ASTN1: variants seen among roughly 807,000 people sequenced by gnomAD.
ASTN1 encodes the protein astrotactin-1.
In ASTN1, 41 loss-of-function variants were observed where a neutral mutation model predicts 140.7. The ratio of observed to expected loss-of-function variants is 0.29; its 90% CI spans 0.23 to 0.38. ASTN1 has a LOEUF of 0.38. Among genes scored for constraint, ASTN1 ranks in the 10% least tolerant of loss-of-function variants. The pLI is 1.00. For missense variants in ASTN1, 1,479 were observed against 1,678.8 expected (o/e 0.88, Z 2.08); for synonymous variants, 640 against 652.2 (o/e 0.98, Z 0.29).
At chr1:176,914,192 T>G (rs1458039023) in intron 16 of ASTN1, among the ~76,000 whole-genome samples, 1 of 152,172 alleles carries the variant, frequency 6.6e-6, no homozygotes, top group East Asian at 1.9e-4. Context: ...GAATTATCAG[T>G]AGAAAAGTTG....
chr1:177,002,645 T>C (rs1379670184), intron 8 of ASTN1, among the ~76,000 whole-genome samples: 2 of 152,244 alleles, frequency 1.3e-5, no homozygotes, highest in African/African-American at 4.8e-5. Context: ...GCAAAATGTT[T>C]GCTCTTAATT....
intron 17 of ASTN1, among the ~76,000 whole-genome samples, chr1:176,888,844 G>A (rs565780508): frequency 6.6e-6 from 1 of 152,298 alleles, no homozygotes; most frequent in African/African-American, 2.4e-5. Context: ...ACTGCCATGT[G>A]ACCTTGGGCA....
chr1:177,058,914 A>G (rs1460416601), intron 2 of ASTN1, among the ~76,000 whole-genome samples: 1 of 151,990 alleles, frequency 6.6e-6, no homozygotes, highest in Non-Finnish European at 1.5e-5. Flanking sequence ...GGTGCTTCCT[A>G]CACTGAAGAT....
chr1:177,146,960 C>T (rs1467421749), intron 1 of ASTN1, among the ~76,000 whole-genome samples: 1 of 152,000 alleles, frequency 6.6e-6, no homozygotes, highest in South Asian at 2.1e-4. Context: ...ATTAAGGGGA[C>T]ATGTACTCAA....
chr1:177,023,672 T>C, intron 6 of ASTN1, 101 bp from the exon 7 acceptor site: 1 of 1,258,368 alleles, frequency 7.9e-7, no homozygotes, highest in Non-Finnish European at 1.1e-6. Context: ...TTAGTACCAA[T>C]CAGAGATCCT....
chr1:176,971,261 C>G (rs1673128397), intron 8 of ASTN1, among the ~76,000 whole-genome samples: 1 of 152,186 alleles, frequency 6.6e-6, no homozygotes, highest in African/African-American at 2.4e-5. Context: ...TTGGCTGAAC[C>G]ATCACATGCC....
intron 1 of ASTN1, among the ~76,000 whole-genome samples, chr1:177,149,542 A>ACAGG (rs1235422670): frequency 1.4e-5 from 1 of 73,710 alleles, no homozygotes; most frequent in African/African-American, 9.2e-5. Flanking sequence ...AAATATATAT[A>ACAGG]GTATATATAT....
chr1:177,052,930 C>T (rs1324035982), intron 2 of ASTN1, among the ~76,000 whole-genome samples: 1 of 152,212 alleles, frequency 6.6e-6, no homozygotes, highest in Non-Finnish European at 1.5e-5. Context: ...TCCTTTCTTA[C>T]AGCCTATGTG....
intron 8 of ASTN1, among the ~76,000 whole-genome samples, chr1:176,985,845 T>TCCAC (rs1373839321): frequency 7.7e-6 from 1 of 129,668 alleles, no homozygotes; most frequent in African/African-American, 3.0e-5. Flanking sequence ...TCTCTCTCTC[T>TCCAC]ACACACACAC....
At chr1:176,892,663 A>C (rs1669315333) in intron 17 of ASTN1, among the ~76,000 whole-genome samples, 1 of 152,256 alleles carries the variant, frequency 6.6e-6, no homozygotes, top group African/African-American at 2.4e-5. Context: ...GAGATTATTT[A>C]GTCCGACAGG....
intron 2 of ASTN1, among the ~76,000 whole-genome samples, chr1:177,039,256 ATTCC>A (rs1362472133): frequency 2.0e-5 from 3 of 152,244 alleles, no homozygotes; most frequent in African/African-American, 7.2e-5. Context: ...TTCAAATTAT[ATTCC>A]TTGAGGAATT....
intron 16 of ASTN1, among the ~76,000 whole-genome samples, chr1:176,903,695 T>G (rs143547813): frequency 8.0e-4 from 122 of 152,330 alleles, no homozygotes; most frequent in African/African-American, 2.5e-3. Flanking sequence ...TCACCAAGGC[T>G]CTTGTTCTTA....
intron 22 of ASTN1, among the ~76,000 whole-genome samples, chr1:176,866,448 G>A (rs1668129676): frequency 6.6e-6 from 1 of 152,128 alleles, no homozygotes; most frequent in African/African-American, 2.4e-5. Context: ...AAGAACTCTG[G>A]TGTCCCTTCC....
chr1:177,076,067 C>T (rs1678888876), intron 1 of ASTN1, among the ~76,000 whole-genome samples: 1 of 151,706 alleles, frequency 6.6e-6, no homozygotes, highest in African/African-American at 2.4e-5. Context: ...ATCATGAGGT[C>T]GAAAGATCGA....
intron 16 of ASTN1, among the ~76,000 whole-genome samples, chr1:176,901,030 A>C (rs1467365294): frequency 6.6e-6 from 1 of 152,202 alleles, no homozygotes; most frequent in Non-Finnish European, 1.5e-5. Flanking sequence ...TGCATACAAA[A>C]TGACTACACT....
At chr1:176,992,646 T>A (rs990145622) in intron 8 of ASTN1, among the ~76,000 whole-genome samples, 1 of 152,180 alleles carries the variant, frequency 6.6e-6, no homozygotes, top group African/African-American at 2.4e-5. Context: ...CTAAGATGAT[T>A]TTTATTGCAA....
intron 8 of ASTN1, among the ~76,000 whole-genome samples, chr1:176,989,716 C>T (rs978715018): frequency 6.6e-6 from 1 of 152,144 alleles, no homozygotes; most frequent in Non-Finnish European, 1.5e-5. Flanking sequence ...AGGGCCATGA[C>T]ATTTTGCTGA....
rs549790263 is a variant in ASTN1, at chr1:177,084,568, A to C, written c.284-23303T>G. 3.9e-5 allele frequency among the ~76,000 whole-genome samples: 6 copies of C among 151,992 alleles called. No individual in the cohort carries two copies. The South Asian group carries it at 1.2e-3, about 32-fold the overall frequency. On this transcript the variant is annotated intron_variant, in intron 1 of 22. Transcript: ENST00000361833. ...TTTTCATTTCTTCACTTTTCATTTC[A>C]TACTCTTTCCATCTTAGAGGGAAAT...
At chr1:177,119,150 T>C (rs1681251814) in intron 1 of ASTN1, among the ~76,000 whole-genome samples, 2 of 152,184 alleles carry the variant, frequency 1.3e-5, no homozygotes, top group Non-Finnish European at 2.9e-5. Flanking sequence ...CATGGTAACT[T>C]TTTGTTTCTT....
Sources: allele counts gnomAD v4.1 joint callset (sites outside exome capture counted in the v4.1 genomes callset), GRCh38; gene constraint gnomAD v4.1.1; transcripts MANE v1.5; gene names NCBI Gene and HGNC (gene_info 2026-07-23, HGNC 2026-07-21).